ARHGAP12: variants seen among roughly 807,000 people sequenced by gnomAD.
The protein encoded by ARHGAP12 is rho GTPase-activating protein 12.
In ARHGAP12, 64 loss-of-function variants were observed where a neutral mutation model predicts 108.6. That is an observed-to-expected ratio of 0.59 (90% CI 0.48 to 0.73). The LOEUF is 0.73. Among genes scored for constraint, ARHGAP12 ranks in the 30% least tolerant of loss-of-function variants. ARHGAP12 has a pLI of 0.00. For missense variants in ARHGAP12, 940 were observed against 1,005.9 expected, an observed-to-expected ratio of 0.93 and a Z score of 0.89; for synonymous variants, 312 against 337.2, an observed-to-expected ratio of 0.93 and a Z score of 0.82.
chr10:31,889,074 T>G (rs968540867), intron 3 of ARHGAP12, among the ~76,000 whole-genome samples: 2 of 152,170 alleles, frequency 1.3e-5, no homozygotes, highest in African/African-American at 4.8e-5. Context: ...CATGCCTGGC[T>G]AATTATTTTG....
Position 31,807,517 on chromosome 10 carries a change from C to T in ARHGAP12, c.*141G>A, listed in dbSNP as rs1304845289. 3.0e-6 allele frequency: 2 copies of T among 665,818 alleles called. No individual in the cohort carries two copies. The highest frequency in any genetic ancestry group is 4.7e-6 in the Non-Finnish European group (2 of 425,764). The allele number at this position is 665,818 out of a possible 1,614,324, so 41.2% of individuals were successfully genotyped here. A position where few individuals can be genotyped will look rare whatever the true frequency, so the allele number is the denominator to read the frequency against. ...AGGGCCTAACACACATCTCGACTCT[C>T]CCCTTCCCTTCTGATCCCTCAAAAA... On this transcript the variant is annotated 3_prime_UTR_variant, in exon 20 of 20. Transcript: ENST00000344936.
chr10:31,906,586 G>C (rs370164274), intron 3 of ARHGAP12, among the ~76,000 whole-genome samples: 1 of 152,132 alleles, frequency 6.6e-6, no homozygotes, highest in Non-Finnish European at 1.5e-5. Context: ...GAGAGCAGGG[G>C]AAAATAAGTG....
intron 10 of ARHGAP12, among the ~76,000 whole-genome samples, chr10:31,829,942 G>A (rs923907412): frequency 6.6e-6 from 1 of 151,898 alleles, no homozygotes; most frequent in Non-Finnish European, 1.5e-5. Context: ...AAAATAATAT[G>A]TCACAACAGA....
intron 12 of ARHGAP12, 61 bp from the exon 13 acceptor site, chr10:31,817,947 T>G: frequency 8.4e-7 from 1 of 1,184,546 alleles, no homozygotes; most frequent in Non-Finnish European, 1.2e-6. Flanking sequence ...GCAAAATACA[T>G]GAATACCTTT....
intron 3 of ARHGAP12, among the ~76,000 whole-genome samples, chr10:31,907,620 C>A: frequency 7.1e-6 from 1 of 140,068 alleles, no homozygotes; most frequent in Admixed American, 7.4e-5. Context: ...GGCAACAGAG[C>A]AAGACCTTGT....
At chr10:31,842,981 G>C (rs1418019342) in intron 7 of ARHGAP12, among the ~76,000 whole-genome samples, 3 of 152,072 alleles carry the variant, frequency 2.0e-5, no homozygotes, top group Admixed American at 2.0e-4. Flanking sequence ...AGCATTTAGA[G>C]AAACAAAGGG....
chr10:31,886,738 A>C (rs1379546764), intron 3 of ARHGAP12, among the ~76,000 whole-genome samples: 5 of 152,132 alleles, frequency 3.3e-5, no homozygotes, highest in African/African-American at 4.8e-5. Context: ...CCCTCAAATA[A>C]TGTGATTCTG....
At position 31,805,490 on chromosome 10, in the gene ARHGAP12, C is replaced by A. The variant is rs1834789625; in HGVS notation, c.*2168G>T. On this transcript the variant is annotated 3_prime_UTR_variant, in exon 20 of 20. Coordinates refer to ENST00000344936, the MANE Select transcript of ARHGAP12 (RefSeq NM_018287.7). The stretch of plus-strand genomic sequence containing the variant: ...TTTTAATATATTTTCTACTATAAAA[C>A]CAAGCTGTCAAGACAGGAAAATATT... 6.6e-6 allele frequency: 1 copy of A among 151,966 alleles called. No homozygotes were observed. Among genetic ancestry groups the A allele is most frequent in the African/African-American group, 2.4e-5 (1 of 41,348 alleles). The allele number at this position is 151,966 out of a possible 1,614,324, so 9.4% of individuals were successfully genotyped here. A position where few individuals can be genotyped will look rare whatever the true frequency, so the allele number is the denominator to read the frequency against.
Position 31,861,698 on chromosome 10 carries a change from T to A in ARHGAP12, c.685-40A>T, listed in dbSNP as rs1395331984. 4 of 1,534,278 alleles carry A rather than the reference T, an allele frequency of 2.6e-6. No individual in the cohort carries two copies. The African/African-American group carries it at 4.2e-5, about 16-fold the overall frequency. On this transcript the variant is annotated intron_variant, in intron 3 of 19. Transcript: ENST00000344936. The stretch of plus-strand genomic sequence containing the variant: ...TTTTTAAATTTCATGTTTAAACTGG[T>A]ATAACATTTAAGTCAAAATTAAATG...
At chr10:31,833,460 T>G (rs960757940) in intron 9 of ARHGAP12, among the ~76,000 whole-genome samples, 1 of 151,974 alleles carries the variant, frequency 6.6e-6, no homozygotes, top group Non-Finnish European at 1.5e-5. Context: ...AGATCAGGGA[T>G]TCTCACCCAA....
chr10:31,922,262 G>C (rs1241938950), intron 1 of ARHGAP12, among the ~76,000 whole-genome samples: 1 of 143,300 alleles, frequency 7.0e-6, no homozygotes, highest in East Asian at 2.0e-4. Context: ...AAACTAATGG[G>C]AACAAAAGAG....
intron 1 of ARHGAP12, among the ~76,000 whole-genome samples, chr10:31,920,597 A>G (rs1055028041): frequency 3.3e-5 from 5 of 152,154 alleles, no homozygotes; most frequent in African/African-American, 4.8e-5. Context: ...ATTGATTTTA[A>G]CAAGAATAAA....
chr10:31,906,605 A>T (rs148716860), intron 3 of ARHGAP12, among the ~76,000 whole-genome samples: 1 of 152,248 alleles, frequency 6.6e-6, no homozygotes, highest in East Asian at 1.9e-4. Flanking sequence ...TGAAACAGAG[A>T]ACTGAGTAAA....
At chr10:31,811,254 G>A (rs184378627) in intron 15 of ARHGAP12, among the ~76,000 whole-genome samples, 72 of 152,266 alleles carry the variant, frequency 4.7e-4, no homozygotes, top group African/African-American at 1.6e-3. Flanking sequence ...ATAGCACCTA[G>A]GCTTGTGCCT....
intron 1 of ARHGAP12, among the ~76,000 whole-genome samples, chr10:31,917,446 T>A (rs910787386): frequency 1.3e-5 from 2 of 152,160 alleles, no homozygotes; most frequent in African/African-American, 4.8e-5. Context: ...CTAGTCTTTA[T>A]AAAAGTTCAA....
chr10:31,856,121 G>C (rs1435258315), intron 4 of ARHGAP12, among the ~76,000 whole-genome samples: 1 of 151,996 alleles, frequency 6.6e-6, no homozygotes, highest in Non-Finnish European at 1.5e-5. Flanking sequence ...AAGAATGGCA[G>C]GTAGGTATCC....
In ARHGAP12 at chr10:31,912,775, T is replaced by G. The variant is rs866738136; in HGVS notation, c.-110-2212A>C. Among the ~76,000 whole-genome samples, 8 of 151,962 alleles carry G rather than the reference T, an allele frequency of 5.3e-5. No homozygotes were observed. In the East Asian group the frequency reaches 1.2e-3, roughly 22 times the overall value. ...AGGGTGGGGAAACAGGTTGGGAAGC[T>G]CCAAGAGAAACTATTAAAATTATAA... is the stretch of plus-strand genomic sequence containing the variant. On this transcript the variant is annotated intron_variant, in intron 1 of 19. Coordinates refer to ENST00000344936, the MANE Select transcript of ARHGAP12 (RefSeq NM_018287.7).
intron 3 of ARHGAP12, among the ~76,000 whole-genome samples, chr10:31,883,070 T>C (rs758705697): frequency 1.2e-4 from 18 of 151,982 alleles, no homozygotes; most frequent in South Asian, 2.1e-4. Flanking sequence ...CCGAGGCAGG[T>C]GGATTATCTG....
chr10:31,820,517 T>A (rs367702112), intron 11 of ARHGAP12, 29 bp from the exon 12 acceptor site: 1 of 1,451,000 alleles, frequency 6.9e-7, no homozygotes, highest in Non-Finnish European at 9.4e-7. Context: ...AAAAAAACCT[T>A]CATGTGATAC....
Sources: gnomAD v4.1 joint callset for allele counts (sites outside exome capture counted in the v4.1 genomes callset) on GRCh38, gnomAD v4.1.1 for gene constraint, MANE v1.5 for transcripts, NCBI Gene and HGNC (gene_info 2026-07-23, HGNC 2026-07-21) for gene names.